Variants in ECPAS observed in about 807,000 individuals in gnomAD.
ECPAS encodes the protein proteasome adapter and scaffold protein ECM29.
In ECPAS, 70 loss-of-function variants were observed where a neutral mutation model predicts 255.1. That is an observed-to-expected ratio of 0.27 (90% confidence interval 0.23 to 0.33). ECPAS has a LOEUF of 0.33. Ranked by LOEUF, ECPAS falls within the 10% of genes least tolerant of loss-of-function variation. ECPAS has a pLI of 1.00. For missense variants in ECPAS, 1,817 were observed against 2,206.4 expected (o/e 0.82, Z 3.54); for synonymous variants, 784 against 775.0 (o/e 1.01, Z -0.19).
At chr9:111,459,067 T>C (rs890294272) in intron 2 of ECPAS, among the ~76,000 whole-genome samples, 1 of 152,180 alleles carries the variant, frequency 6.6e-6, no homozygotes, top group African/African-American at 2.4e-5. Flanking sequence ...ATGAAGTCGA[T>C]TCAGTCTAGT....
At chr9:111,472,444 A>C (rs2098289833) in intron 2 of ECPAS, among the ~76,000 whole-genome samples, 2 of 152,012 alleles carry the variant, frequency 1.3e-5, no homozygotes, top group Non-Finnish European at 2.9e-5. Flanking sequence ...GGAGTTCGAG[A>C]CCAGCCTTCA....
intron 1 of ECPAS, among the ~76,000 whole-genome samples, chr9:111,482,850 G>A (rs923616186): frequency 1.5e-5 from 2 of 133,954 alleles, no homozygotes; most frequent in African/African-American, 3.3e-5. Flanking sequence ...TGGGATTCAG[G>A]GTGACCACCG....
chr9:111,427,586 C>G (rs1339216078), intron 10 of ECPAS, among the ~76,000 whole-genome samples: 1 of 152,124 alleles, frequency 6.6e-6, no homozygotes, highest in African/African-American at 2.4e-5. Context: ...AATATGTGTA[C>G]ATACATAAAG....
At chr9:111,430,520 A>T in intron 9 of ECPAS, 27 bp downstream of exon 9, 1 of 1,395,914 alleles carries the variant, frequency 7.2e-7, no homozygotes, top group Non-Finnish European at 1.0e-6. Context: ...TTTTACGCTG[A>T]TGTGAGAATA....
Position 111,373,254 on chromosome 9 carries a change from C to A in ECPAS, c.4270-18G>T, listed in dbSNP as rs1262957953. 1.2e-6 allele frequency: 2 copies of A among 1,613,352 alleles called. No homozygotes were observed. Among genetic ancestry groups the A allele is most frequent in the East Asian group, 4.5e-5 (2 of 44,858 alleles). On this transcript the variant is annotated intron_variant, in intron 40 of 49. Coordinates refer to ENST00000684092, the MANE Select transcript of ECPAS (RefSeq NM_001364929.1). ...CGTGAGGTCTGAAAAAGAAACAATC[C>A]TAAGTATTTCTTTATAACTGTCAAA... is the stretch of plus-strand genomic sequence containing the variant.
At chr9:111,402,861 T>A (rs1430009705) in intron 24 of ECPAS, among the ~76,000 whole-genome samples, 1 of 151,436 alleles carries the variant, frequency 6.6e-6, no homozygotes, top group African/African-American at 2.4e-5. Context: ...TGAGAAAAAA[T>A]CATTTATCCA....
chr9:111,420,419 G>A (rs1056088991), intron 15 of ECPAS, among the ~76,000 whole-genome samples: 11 of 152,070 alleles, frequency 7.2e-5, no homozygotes, highest in Admixed American at 2.0e-4. Context: ...GAATCTCTGC[G>A]CATCCTCAGC....
intron 24 of ECPAS, among the ~76,000 whole-genome samples, chr9:111,401,336 T>C (rs527910930): frequency 3.0e-4 from 45 of 152,304 alleles, no homozygotes; most frequent in African/African-American, 1.1e-3. Context: ...AGGACCGTGA[T>C]GGCGACCTTG....
At chr9:111,466,843 C>A (rs545801794) in intron 2 of ECPAS, among the ~76,000 whole-genome samples, 1 of 152,284 alleles carries the variant, frequency 6.6e-6, no homozygotes, top group Admixed American at 6.5e-5. Context: ...CTATTTTGCC[C>A]AAGCAATCCT....
chr9:111,469,405 G>A (rs1377330204), intron 2 of ECPAS, among the ~76,000 whole-genome samples: 1 of 152,124 alleles, frequency 6.6e-6, no homozygotes, highest in East Asian at 1.9e-4. Flanking sequence ...GTGGTGACGG[G>A]CGCCTGCAAT....
chr9:111,426,423 T>A (rs962606175), intron 10 of ECPAS, among the ~76,000 whole-genome samples: 12 of 152,000 alleles, frequency 7.9e-5, no homozygotes, highest in Non-Finnish European at 1.8e-4. Context: ...AGCAGTATTC[T>A]GATCTTATTT....
intron 6 of ECPAS, among the ~76,000 whole-genome samples, chr9:111,438,237 C>A (rs1277192279): frequency 6.6e-6 from 1 of 152,146 alleles, no homozygotes; most frequent in Non-Finnish European, 1.5e-5. Flanking sequence ...CCTGATTTAA[C>A]AAATATAAAA....
intron 10 of ECPAS, among the ~76,000 whole-genome samples, chr9:111,426,895 G>A (rs1174039202): frequency 1.3e-5 from 2 of 152,084 alleles, no homozygotes; most frequent in Non-Finnish European, 2.9e-5. Flanking sequence ...ATTTGAGCTT[G>A]GGAGGCAGAG....
Position 111,414,556 on chromosome 9 carries a change from A to G in ECPAS, c.1860T>C (p.Ile620=). ...ACATTAAAGTCCGTATGTAGCGCCC[A>G]ATGGCTGGGGCATGATCCTGCATAT... The part of the protein sequence containing the change: ...LADMQDHAPA[I]GRYIRTLMSS... Residue 620 remains isoleucine, a synonymous_variant, in exon 19 of 50, where the codon ATT becomes ATC. Transcript: ENST00000684092. 2 of 1,614,012 alleles carry G rather than the reference A, an allele frequency of 1.2e-6. No individual in the cohort carries two copies. Among genetic ancestry groups the G allele is most frequent in the Non-Finnish European group, 1.7e-6 (2 of 1,179,864 alleles).
chr9:111,468,410 G>A (rs187066120), intron 2 of ECPAS, among the ~76,000 whole-genome samples: 70 of 152,228 alleles, frequency 4.6e-4, no homozygotes, highest in African/African-American at 1.2e-3. Context: ...TGGTTTAAGC[G>A]AGAAAGTAGG....
chr9:111,445,646 C>T (rs1007511086), intron 3 of ECPAS, among the ~76,000 whole-genome samples: 1 of 152,052 alleles, frequency 6.6e-6, no homozygotes, highest in Non-Finnish European at 1.5e-5. Context: ...AATACTGAGG[C>T]ATTTTTATTT....
chr9:111,398,832 G>A (rs2098171310), intron 24 of ECPAS, among the ~76,000 whole-genome samples: 1 of 152,136 alleles, frequency 6.6e-6, no homozygotes, highest in Non-Finnish European at 1.5e-5. Flanking sequence ...AGCTATTTGG[G>A]AGGCTGAGGC....
chr9:111,415,952 C>G (rs1380146616), intron 18 of ECPAS, among the ~76,000 whole-genome samples: 2 of 152,116 alleles, frequency 1.3e-5, no homozygotes, highest in African/African-American at 4.8e-5. Context: ...AACTAAATAA[C>G]CCTAACAACC....
intron 16 of ECPAS, among the ~76,000 whole-genome samples, chr9:111,418,548 T>C (rs1479931500): frequency 6.6e-6 from 1 of 152,140 alleles, no homozygotes; most frequent in African/African-American, 2.4e-5. Flanking sequence ...AATTCTTCAA[T>C]TGCCTCTGAT....
Sources: gnomAD v4.1 joint callset for allele counts (sites outside exome capture counted in the v4.1 genomes callset) on GRCh38, gnomAD v4.1.1 for gene constraint, MANE v1.5 for transcripts, NCBI Gene and HGNC (gene_info 2026-07-23, HGNC 2026-07-21) for gene names.